Variants in SUMF1 observed in about 807,000 individuals in gnomAD.
The protein encoded by SUMF1 is sulfatase modifying factor 1.
SUMF1 carries 48 observed loss-of-function variants against 47.6 expected under a neutral mutation model. The observed-to-expected ratio is 1.01, with a 90% confidence interval of 0.80 to 1.28. The LOEUF (loss-of-function observed/expected upper bound fraction) is 1.28, where lower values mean the gene tolerates loss of function less well. Among genes scored for constraint, SUMF1 ranks in the 50% most tolerant of loss-of-function variants. The probability of loss-of-function intolerance (pLI) is 0.00; values close to 1 mark genes in which losing one functional copy is unlikely to be tolerated. For missense variants in SUMF1, 571 were observed against 485.4 expected (o/e 1.18, Z -1.66); for synonymous variants, 230 against 192.1 (o/e 1.20, Z -1.63).
At position 4,133,698 on chromosome 3, in the gene SUMF1, T is replaced by C. The variant is rs1216878628; in HGVS notation, c.1015-64953A>G. Among the ~76,000 whole-genome samples the C allele has an allele frequency of 3.3e-5, 5 of 152,234 alleles. No individual in the cohort carries two copies. In the East Asian group the frequency reaches 9.7e-4, roughly 29 times the overall value. On this transcript the variant is annotated intron_variant and NMD_transcript_variant, in intron 8 of 12. Transcript: ENST00000448413. ...CTGCCCTTGAACATCGGACTCCAAT[T>C]TCTTCAGTTTTGGAACTCAGACTGG...
intron 8 of SUMF1, among the ~76,000 whole-genome samples, chr3:4,246,737 C>T (rs1228044459): frequency 6.6e-6 from 1 of 152,096 alleles, no homozygotes; most frequent in African/African-American, 2.4e-5. Flanking sequence ...GTTGAAGATA[C>T]TTCACTAACC....
At chr3:4,064,136 T>G (rs1433916598) in intron 9 of SUMF1, among the ~76,000 whole-genome samples, 4 of 152,052 alleles carry the variant, frequency 2.6e-5, no homozygotes, top group Admixed American at 2.0e-4. Context: ...CCCCAGAGGT[T>G]AGGCATTCTC....
intron 9 of SUMF1, among the ~76,000 whole-genome samples, chr3:4,062,839 C>G (rs1695298413): frequency 1.3e-5 from 2 of 152,064 alleles, no homozygotes; most frequent in African/African-American, 4.8e-5. Flanking sequence ...GGGAAAGAAA[C>G]CTGCAACCAG....
chr3:4,178,489 A>G (rs1004236443), intron 8 of SUMF1, among the ~76,000 whole-genome samples: 3 of 152,176 alleles, frequency 2.0e-5, no homozygotes, highest in Non-Finnish European at 2.9e-5. Flanking sequence ...AAAATTCAAC[A>G]GCCCTTCATG....
In SUMF1 at chr3:4,367,201, A is replaced by G. The variant is rs374469620; in HGVS notation, c.1015-4947T>C. Among the ~76,000 whole-genome samples the G allele has an allele frequency of 2.9e-3, 445 of 152,258 alleles. 2 individuals carry two copies. Among genetic ancestry groups the G allele is most frequent in the African/African-American group, 4.8e-3 (201 of 41,542 alleles). ...ACCCACTTGAGGAGGCAGTCTGCCC[A>G]TTCTCAGATCTCCAGCTGCGTGCTG... On this transcript the variant is annotated intron_variant, in intron 8 of 8. Coordinates refer to ENST00000272902, the MANE Select transcript of SUMF1 (RefSeq NM_182760.4).
chr3:4,316,957 A>G, intron 8 of SUMF1: 1 of 1,549,434 alleles, frequency 6.5e-7, no homozygotes, highest in Non-Finnish European at 8.7e-7. Flanking sequence ...CTCCACGACA[A>G]TGCCCGACCG....
chr3:4,452,818 G>A lies in SUMF1; in HGVS notation c.444+58C>T, dbSNP rs553359184. The A allele has an allele frequency of 1.3e-5, 20 of 1,599,784 alleles. No homozygotes were observed. In the East Asian group the frequency reaches 4.0e-4, roughly 32 times the overall value. On this transcript the variant is annotated intron_variant, in intron 2 of 8. Transcript: ENST00000272902. ...TCAGTCAATCTTAGCTGCTATTAAAGCATTCTTAAAAGTTCTGGAAAAGAA... is the reference window on the plus strand; with the variant it reads ...TCAGTCAATCTTAGCTGCTATTAAAACATTCTTAAAAGTTCTGGAAAAGAA...
At chr3:4,171,442 A>G (rs1216956073) in intron 8 of SUMF1, among the ~76,000 whole-genome samples, 3 of 152,182 alleles carry the variant, frequency 2.0e-5, no homozygotes, top group African/African-American at 7.2e-5. Flanking sequence ...TACATGGGCC[A>G]AAGAAACCCA....
intron 7 of SUMF1, among the ~76,000 whole-genome samples, chr3:4,402,526 C>G (rs374176106): frequency 1.4e-4 from 21 of 152,334 alleles, no homozygotes; most frequent in African/African-American, 5.1e-4. Flanking sequence ...TAGCCCGATA[C>G]TACAGTGGAT....
intron 8 of SUMF1, among the ~76,000 whole-genome samples, chr3:4,352,020 G>A (rs909547789): frequency 2.0e-5 from 3 of 152,100 alleles, no homozygotes; most frequent in African/African-American, 7.2e-5. Flanking sequence ...TCTGGCTCCA[G>A]AGCCCATGTT....
chr3:4,422,179 G>A (rs923682469), intron 3 of SUMF1, among the ~76,000 whole-genome samples: 1 of 152,062 alleles, frequency 6.6e-6, no homozygotes, highest in African/African-American at 2.4e-5. Flanking sequence ...TTCCTCTGGG[G>A]GCTGTTCTCA....
intron 8 of SUMF1, among the ~76,000 whole-genome samples, chr3:4,233,598 T>C (rs562777729): frequency 3.2e-4 from 48 of 152,192 alleles, no homozygotes; most frequent in African/African-American, 1.2e-3. Flanking sequence ...TTTGAATTGT[T>C]TAAAATAAAG....
intron 8 of SUMF1, among the ~76,000 whole-genome samples, chr3:4,269,483 A>T (rs546603792): frequency 3.9e-5 from 6 of 152,340 alleles, no homozygotes; most frequent in African/African-American, 1.4e-4. Context: ...ATGAATCATA[A>T]TTAAAGCGTG....
chr3:4,251,222 T>C (rs902614554), intron 8 of SUMF1, among the ~76,000 whole-genome samples: 5 of 152,170 alleles, frequency 3.3e-5, no homozygotes, highest in African/African-American at 1.2e-4. Context: ...AAGACTTCAG[T>C]GGAGGAAGTA....
intron 2 of SUMF1, among the ~76,000 whole-genome samples, chr3:4,451,891 G>A (rs953912004): frequency 6.6e-6 from 1 of 152,088 alleles, no homozygotes; most frequent in Non-Finnish European, 1.5e-5. Context: ...CACCGTGTTA[G>A]CCAGGATGGT....
chr3:4,421,125 C>T (rs530011934), intron 3 of SUMF1, among the ~76,000 whole-genome samples: 2 of 152,262 alleles, frequency 1.3e-5, no homozygotes, highest in East Asian at 3.9e-4. Context: ...GTCAGGAGTC[C>T]TCATTTAGTG....
intron 7 of SUMF1, among the ~76,000 whole-genome samples, chr3:4,394,453 C>G (rs918811326): frequency 3.3e-5 from 5 of 152,156 alleles, no homozygotes; most frequent in Non-Finnish European, 7.3e-5. Context: ...CCACAGCACC[C>G]AGCCACATAC....
At chr3:4,143,906 G>A (rs1203187317) in intron 8 of SUMF1, among the ~76,000 whole-genome samples, 17 of 151,810 alleles carry the variant, frequency 1.1e-4, no homozygotes, top group African/African-American at 4.8e-5. Context: ...CCAGAGCCAC[G>A]GTGATATGTA....
intron 7 of SUMF1, among the ~76,000 whole-genome samples, chr3:4,386,643 A>G (rs1280315155): frequency 6.6e-6 from 1 of 152,062 alleles, no homozygotes; most frequent in Non-Finnish European, 1.5e-5. Flanking sequence ...ACTATGTTGA[A>G]TAAGAGTTCT....
Sources: allele counts gnomAD v4.1 joint callset (sites outside exome capture counted in the v4.1 genomes callset), GRCh38; gene constraint gnomAD v4.1.1; transcripts MANE v1.5; gene names NCBI Gene and HGNC (gene_info 2026-07-23, HGNC 2026-07-21).